Variants in PCDH15 observed in about 807,000 individuals in gnomAD.
PCDH15 encodes the protein protocadherin-15.
In PCDH15, 129 loss-of-function variants were observed where a neutral mutation model predicts 178.5. The ratio of observed to expected loss-of-function variants is 0.72; its 90% confidence interval spans 0.63 to 0.84. The LOEUF (loss-of-function observed/expected upper bound fraction) is 0.84. Among genes scored for constraint, PCDH15 ranks in the 40% least tolerant of loss-of-function variants. The pLI is 0.00. For missense variants in PCDH15, 2,230 were observed against 2,099.9 expected (o/e 1.06, Z -1.21); for synonymous variants, 800 against 732.0 (o/e 1.09, Z -1.50).
chr10:54,436,577 AT>A (rs2075434782), intron 3 of PCDH15, among the ~76,000 whole-genome samples: 1 of 152,180 alleles, frequency 6.6e-6, no homozygotes, highest in Non-Finnish European at 1.5e-5. Flanking sequence ...TAAAGGATTC[AT>A]TAAATTTTCA....
chr10:54,099,513 A>AAAAAAAAAAATATATAT (rs1347306483), intron 15 of PCDH15, among the ~76,000 whole-genome samples: 1 of 117,930 alleles, frequency 8.5e-6, no homozygotes, highest in African/African-American at 3.8e-5. Flanking sequence ...AAAAAAAAAA[A>AAAAAAAAAAATATATAT]ATATATATAT....
chr10:54,232,403 T>C (rs1435976823), intron 9 of PCDH15, among the ~76,000 whole-genome samples: 1 of 152,224 alleles, frequency 6.6e-6, no homozygotes, highest in African/African-American at 2.4e-5. Context: ...TTTTTATTTA[T>C]AAATCACCCA....
At chr10:54,819,756 T>G (rs1188080472) in intron 3 of PCDH15, among the ~76,000 whole-genome samples, 2 of 152,060 alleles carry the variant, frequency 1.3e-5, no homozygotes, top group East Asian at 1.9e-4. Context: ...TTTTGTTTTA[T>G]GTCTTGTATG....
chr10:55,385,334 G>C (rs185238611), intron 2 of PCDH15, among the ~76,000 whole-genome samples: 2 of 152,134 alleles, frequency 1.3e-5, no homozygotes, highest in East Asian at 3.9e-4. Context: ...TGGAAAGATA[G>C]ATTATGATTC....
exon 1 of PCDH15, chr10:55,627,899 G>C (rs938673065): frequency 2.0e-5 from 3 of 152,490 alleles, no homozygotes; most frequent in African/African-American, 7.2e-5. Flanking sequence ...GTCACCCAGC[G>C]AGCCCCCAGC....
In PCDH15 at chr10:54,390,339, C is replaced by T. The variant is rs190260733; in HGVS notation, c.158-11397G>A. On this transcript the variant is annotated intron_variant, in intron 3 of 37. Coordinates refer to ENST00000644397, the MANE Select transcript of PCDH15 (RefSeq NM_001384140.1). Reference sequence around the variant, plus strand: ...AGACAGTCTCGTTCTGTCGCCCAGGCTGGAGTGCAGTGGTGCGATCTCGGC... The same window carrying T: ...AGACAGTCTCGTTCTGTCGCCCAGGTTGGAGTGCAGTGGTGCGATCTCGGC... Among the ~76,000 whole-genome samples the T allele has an allele frequency of 3.3e-5, 5 of 152,272 alleles. No homozygotes were observed. In the East Asian group the frequency reaches 9.7e-4, roughly 30 times the overall value.
At chr10:55,438,132 G>A (rs1176359554) in intron 2 of PCDH15, among the ~76,000 whole-genome samples, 2 of 151,084 alleles carry the variant, frequency 1.3e-5, no homozygotes, top group African/African-American at 4.9e-5. Flanking sequence ...CCTGCGCCTG[G>A]CCTCTCTTTC....
At chr10:55,480,122 C>T (rs1298351356) in intron 2 of PCDH15, among the ~76,000 whole-genome samples, 1 of 151,460 alleles carries the variant, frequency 6.6e-6, no homozygotes, top group Non-Finnish European at 1.5e-5. Context: ...GATTTTCCTG[C>T]CTATGATCAT....
chr10:54,534,272 T>C (rs1311110827), intron 2 of PCDH15, among the ~76,000 whole-genome samples: 1 of 152,168 alleles, frequency 6.6e-6, no homozygotes, highest in African/African-American at 2.4e-5. Context: ...ATCTTAGTTA[T>C]ATATGGGATT....
chr10:54,646,305 G>C (rs922206225), intron 2 of PCDH15, among the ~76,000 whole-genome samples: 1 of 152,008 alleles, frequency 6.6e-6, no homozygotes, highest in Non-Finnish European at 1.5e-5. Flanking sequence ...TAAATGAAAG[G>C]CTGACTTTCA....
At chr10:54,007,774 C>T (rs2092435122) in intron 20 of PCDH15, among the ~76,000 whole-genome samples, 1 of 152,082 alleles carries the variant, frequency 6.6e-6, no homozygotes, top group Non-Finnish European at 1.5e-5. Flanking sequence ...CTCTTGTTTA[C>T]AAAAGAAATT....
At chr10:55,399,732 A>C (rs773262438) in intron 2 of PCDH15, among the ~76,000 whole-genome samples, 23 of 152,156 alleles carry the variant, frequency 1.5e-4, no homozygotes, top group Non-Finnish European at 3.1e-4. Flanking sequence ...GCAAAAGCAA[A>C]ATCATAAAAT....
intron 2 of PCDH15, among the ~76,000 whole-genome samples, chr10:55,531,178 A>G (rs946105243): frequency 6.6e-6 from 1 of 151,948 alleles, no homozygotes; most frequent in Non-Finnish European, 1.5e-5. Flanking sequence ...AATCTGCATA[A>G]AAGATGTAGT....
chr10:54,894,877 G>T (rs1454797830), intron 3 of PCDH15, among the ~76,000 whole-genome samples: 1 of 152,112 alleles, frequency 6.6e-6, no homozygotes, highest in African/African-American at 2.4e-5. Context: ...CTGATTAAAA[G>T]AACTGAATAC....
intron 8 of PCDH15, among the ~76,000 whole-genome samples, chr10:54,254,571 A>T (rs1445013529): frequency 6.6e-6 from 1 of 152,122 alleles, no homozygotes; most frequent in Non-Finnish European, 1.5e-5. Context: ...AACAGAATAG[A>T]AGCTTCCCAG....
At chr10:54,779,436 G>GTATA (rs780742891) in intron 1 of PCDH15, among the ~76,000 whole-genome samples, 6 of 82,318 alleles carry the variant, frequency 7.3e-5, no homozygotes, top group South Asian at 3.7e-4. Flanking sequence ...ACACATATGT[G>GTATA]TATATATATA....
chr10:55,219,581 T>C (rs553464764), intron 1 of PCDH15, among the ~76,000 whole-genome samples: 12 of 151,406 alleles, frequency 7.9e-5, no homozygotes, highest in African/African-American at 1.9e-4. Context: ...TATAATAATA[T>C]AAATTTTCTT....
chr10:54,275,599 A>C (rs1174351528), intron 8 of PCDH15, among the ~76,000 whole-genome samples: 1 of 151,864 alleles, frequency 6.6e-6, no homozygotes, highest in African/African-American at 2.4e-5. Flanking sequence ...AATATTTCCC[A>C]AAGATAATGC....
chr10:55,430,825 C>T (rs1838864425), intron 2 of PCDH15, among the ~76,000 whole-genome samples: 2 of 152,030 alleles, frequency 1.3e-5, no homozygotes, highest in Admixed American at 1.3e-4. Context: ...GCTAAACTGG[C>T]TTTAGTTAAT....
Sources: allele counts gnomAD v4.1 joint callset (sites outside exome capture counted in the v4.1 genomes callset), GRCh38; gene constraint gnomAD v4.1.1; transcripts MANE v1.5; gene names NCBI Gene and HGNC (gene_info 2026-07-23, HGNC 2026-07-21).